FNDC3A: variants seen among roughly 807,000 people sequenced by gnomAD.
The protein encoded by FNDC3A is fibronectin type-III domain-containing protein 3A.
A neutral mutation model predicts 148.9 loss-of-function variants in FNDC3A; 32 were observed. That is an observed-to-expected ratio of 0.21 (90% CI 0.16 to 0.29). The LOEUF (loss-of-function observed/expected upper bound fraction) is 0.29. Ranked by LOEUF, FNDC3A falls within the 10% of genes least tolerant of loss-of-function variation. The probability of loss-of-function intolerance (pLI) is 1.00; values close to 1 mark genes in which losing one functional copy is unlikely to be tolerated. For synonymous variants in FNDC3A, 472 were observed against 473.6 expected (o/e 1.00, Z 0.04); for missense variants, 1,191 against 1,452.8 (o/e 0.82, Z 2.93).
At chr13:49,045,323 T>G (rs1444482584) in intron 2 of FNDC3A, 1 of 160,840 alleles carries the variant, frequency 6.2e-6, no homozygotes, top group Non-Finnish European at 1.3e-5. Flanking sequence ...CCAGCTAATT[T>G]TTGTATTTTT....
At chr13:49,122,234 C>T (rs565569320) in intron 4 of FNDC3A, among the ~76,000 whole-genome samples, 8 of 152,128 alleles carry the variant, frequency 5.3e-5, no homozygotes, top group African/African-American at 1.9e-4. Flanking sequence ...ACATAAACAG[C>T]ACCAATGACA....
intron 4 of FNDC3A, among the ~76,000 whole-genome samples, chr13:49,116,546 G>A (rs894311173): frequency 6.6e-6 from 1 of 152,186 alleles, no homozygotes; most frequent in Non-Finnish European, 1.5e-5. Context: ...TGTAATCCCA[G>A]CTCTTTGGGA....
chr13:49,174,624 A>G, intron 12 of FNDC3A, 65 bp downstream of exon 12: 1 of 1,368,184 alleles, frequency 7.3e-7, no homozygotes, highest in Non-Finnish European at 1.0e-6. Context: ...CAATTGTATA[A>G]TTATTTACTG....
At chr13:48,993,064 T>C (rs1951950769) in intron 1 of FNDC3A, among the ~76,000 whole-genome samples, 1 of 152,228 alleles carries the variant, frequency 6.6e-6, no homozygotes, top group South Asian at 2.1e-4. Flanking sequence ...TTAAAAATTC[T>C]TCATTAAACT....
intron 2 of FNDC3A, among the ~76,000 whole-genome samples, chr13:49,010,362 A>G (rs1283309060): frequency 6.6e-6 from 1 of 152,210 alleles, no homozygotes; most frequent in Non-Finnish European, 1.5e-5. Context: ...TGGTTTGCAT[A>G]TAAGAAGTAT....
Position 49,006,138 on chromosome 13 carries a change from T to C in FNDC3A, c.-39-14T>C. 1 of 922,772 alleles carries C rather than the reference T, an allele frequency of 1.1e-6. No individual in the cohort carries two copies. Among genetic ancestry groups the C allele is most frequent in the South Asian group, 1.4e-5 (1 of 71,498 alleles). The allele number at this position is 922,772 out of a possible 1,614,324, so 57.2% of individuals were successfully genotyped here. A position where few individuals can be genotyped will look rare whatever the true frequency, so the allele number is the denominator to read the frequency against. On this transcript the variant is annotated splice_polypyrimidine_tract_variant and intron_variant, in intron 1 of 25. Coordinates refer to ENST00000492622, the MANE Select transcript of FNDC3A (RefSeq NM_001079673.2). ...GGATATACTTACAAATGACTATATA[T>C]GTTTGTTTTTCAGAATTGGAGCGTT...
At chr13:49,083,087 T>A (rs899188895) in intron 3 of FNDC3A, among the ~76,000 whole-genome samples, 4 of 152,162 alleles carry the variant, frequency 2.6e-5, no homozygotes, top group African/African-American at 9.7e-5. Context: ...GAAGTCATCA[T>A]CAATGCTGTG....
chr13:49,178,915 C>T (rs1885166259), intron 14 of FNDC3A, among the ~76,000 whole-genome samples: 2 of 152,126 alleles, frequency 1.3e-5, no homozygotes, highest in East Asian at 1.9e-4. Flanking sequence ...TTTGTAGAGA[C>T]GAGGTTTCAC....
At chr13:49,043,517 T>A (rs1875116818) in intron 2 of FNDC3A, among the ~76,000 whole-genome samples, 1 of 152,216 alleles carries the variant, frequency 6.6e-6, no homozygotes, top group Non-Finnish European at 1.5e-5. Flanking sequence ...TGATATTCTG[T>A]ATCCTTTAAT....
intron 16 of FNDC3A, 139 bp downstream of exon 16, chr13:49,187,329 T>G (rs1380290372): frequency 1.8e-4 from 156 of 884,360 alleles, no homozygotes; most frequent in Non-Finnish European, 3.3e-5. Context: ...TCACTTCACT[T>G]TGGGTTGTCC....
intron 16 of FNDC3A, chr13:49,187,500 T>A: frequency 5.7e-6 from 9 of 1,574,680 alleles, no homozygotes; most frequent in Non-Finnish European, 7.9e-6. Context: ...GTAGTTGTTG[T>A]CTTACTACAA....
At chr13:49,197,164 A>G (rs1158579164) in intron 20 of FNDC3A, among the ~76,000 whole-genome samples, 174 bp downstream of exon 20, 1 of 152,242 alleles carries the variant, frequency 6.6e-6, no homozygotes, top group Non-Finnish European at 1.5e-5. Context: ...TGAGTAAGGT[A>G]TATTTGCATT....
At chr13:49,031,251 G>A (rs573995638) in intron 2 of FNDC3A, among the ~76,000 whole-genome samples, 14 of 152,002 alleles carry the variant, frequency 9.2e-5, no homozygotes, top group Admixed American at 2.0e-4. Flanking sequence ...GCATGGTGGT[G>A]TGCACCTGTA....
At chr13:49,128,072 T>C (rs1401816106) in intron 4 of FNDC3A, among the ~76,000 whole-genome samples, 1 of 151,990 alleles carries the variant, frequency 6.6e-6, no homozygotes, top group Admixed American at 6.6e-5. Flanking sequence ...AGTAGAGATG[T>C]AATTTCACCA....
At position 49,170,289 on chromosome 13, in the gene FNDC3A, C is replaced by T. The variant is rs143865970; in HGVS notation, c.1176+1538C>T. The stretch of plus-strand genomic sequence containing the variant: ...ATCTAAATCGCCCATAGTATAATGT[C>T]TGGAACATAATGAGCGTAATAACTA... On this transcript the variant is annotated intron_variant, in intron 10 of 25. Transcript: ENST00000492622. Among the ~76,000 whole-genome samples the T allele has an allele frequency of 7.8e-3, 1,193 of 152,194 alleles. 47 individuals are homozygous for T. The highest frequency in any genetic ancestry group is 0.068 in the Admixed American group (1,043 of 15,268).
intron 2 of FNDC3A, among the ~76,000 whole-genome samples, chr13:49,033,130 T>C (rs997902159): frequency 8.5e-5 from 13 of 152,254 alleles, no homozygotes; most frequent in Non-Finnish European, 1.6e-4. Context: ...AAACCGCAAA[T>C]ATACTGACAT....
intron 3 of FNDC3A, among the ~76,000 whole-genome samples, chr13:49,081,441 A>C (rs1878463919): frequency 6.6e-6 from 1 of 152,236 alleles, no homozygotes; most frequent in African/African-American, 2.4e-5. Context: ...CTTGGGTTTG[A>C]GTTCAAACTT....
At chr13:49,139,412 A>G (rs963154683) in intron 7 of FNDC3A, among the ~76,000 whole-genome samples, 3 of 152,212 alleles carry the variant, frequency 2.0e-5, no homozygotes, top group African/African-American at 4.8e-5. Flanking sequence ...CTCTTTCCCA[A>G]CTCTCAGAAA....
chr13:49,062,237 C>T (rs116829023), intron 2 of FNDC3A, among the ~76,000 whole-genome samples: 268 of 152,232 alleles, frequency 1.8e-3, no homozygotes, highest in African/African-American at 6.1e-3. Context: ...AGTGGCAACA[C>T]GTTAATTGGT....
Sources: gnomAD v4.1 joint callset for allele counts (sites outside exome capture counted in the v4.1 genomes callset) on GRCh38, gnomAD v4.1.1 for gene constraint, MANE v1.5 for transcripts, NCBI Gene and HGNC (gene_info 2026-07-23, HGNC 2026-07-21) for gene names.